KNDC1: variants seen among roughly 807,000 people sequenced by gnomAD.
KNDC1 encodes kinase non-catalytic C-lobe domain-containing protein 1.
Under a neutral mutation model 172.8 loss-of-function variants are expected in KNDC1, and 106 were observed. The observed-to-expected ratio is 0.61, with a 90% CI of 0.52 to 0.72. The LOEUF is 0.72. Among genes scored for constraint, KNDC1 ranks in the 30% least tolerant of loss-of-function variants. The probability of loss-of-function intolerance (pLI) is 0.00; values close to 1 mark genes in which losing one functional copy is unlikely to be tolerated. For missense variants in KNDC1, 2,325 were observed against 2,394.5 expected (o/e 0.97, Z 0.61); for synonymous variants, 1,083 against 1,062.2 (o/e 1.02, Z -0.38).
rs569441505 is a variant in KNDC1, at chr10:133,218,996, C to T, written c.4801-35C>T. Reference sequence around the variant, plus strand: ...CCCAAGGCGGGGGTGGGTACCCGCACGGCCGCAGGAGGCTCACCTGTGCTT... The same window carrying T: ...CCCAAGGCGGGGGTGGGTACCCGCATGGCCGCAGGAGGCTCACCTGTGCTT... On this transcript the variant is annotated intron_variant, in intron 27 of 29. Coordinates refer to ENST00000304613, the MANE Select transcript of KNDC1 (RefSeq NM_152643.8). The T allele has an allele frequency of 9.3e-6, 15 of 1,613,768 alleles. No individual in the cohort carries two copies. In the African/African-American group the frequency reaches 1.1e-4, roughly 11 times the overall value.
At chr10:133,202,037 C>G in intron 17 of KNDC1, 139 bp downstream of exon 17, 1 of 1,014,922 alleles carries the variant, frequency 9.9e-7, no homozygotes, top group Non-Finnish European at 1.5e-6. Flanking sequence ...GCCCCCACCC[C>G]GTGGCTGTCA....
intron 4 of KNDC1, 59 bp downstream of exon 4, chr10:133,183,549 A>G: frequency 6.6e-7 from 1 of 1,511,122 alleles, no homozygotes. Flanking sequence ...AGGCCTGGAC[A>G]CCGTGTGCTC....
At chr10:133,196,297 G>C (rs1854189326) in intron 10 of KNDC1, among the ~76,000 whole-genome samples, 1 of 151,972 alleles carries the variant, frequency 6.6e-6, no homozygotes, top group South Asian at 2.1e-4. Context: ...CTTTGGGGCT[G>C]GGTTCTAACG....
At chr10:133,195,922 C>T in intron 10 of KNDC1, 101 bp downstream of exon 10, 1 of 1,218,740 alleles carries the variant, frequency 8.2e-7, no homozygotes, top group Non-Finnish European at 1.1e-6. Flanking sequence ...CTGCCAGTGT[C>T]CAGGTGATGA....
chr10:133,168,045 A>G (rs1853233461), intron 2 of KNDC1, among the ~76,000 whole-genome samples: 1 of 152,028 alleles, frequency 6.6e-6, no homozygotes. Flanking sequence ...AAGTGGTAGA[A>G]CCCTTCCCTC....
chr10:133,201,173 G>C (rs1447312768), intron 16 of KNDC1, among the ~76,000 whole-genome samples: 1 of 152,240 alleles, frequency 6.6e-6, no homozygotes, highest in Non-Finnish European at 1.5e-5. Flanking sequence ...AGGGGGCAGA[G>C]GGACACAGTC....
At position 133,160,327 on chromosome 10, in the gene KNDC1, C is replaced by T. The variant is rs1415753563; in HGVS notation, c.-141C>T. 2 of 251,064 alleles carry T rather than the reference C, an allele frequency of 8.0e-6. No individual in the cohort carries two copies. Among genetic ancestry groups the T allele is most frequent in the Non-Finnish European group, 7.0e-6 (1 of 142,902 alleles). 15.6% of individuals were successfully genotyped at this position (251,064 alleles called of 1,614,324 possible). ...GCCCGCCCCGTATCCCTGACCGCGT[C>T]CCCTGGAGACACTGCGGCAGCGGCG... is the stretch of plus-strand genomic sequence containing the variant. On this transcript the variant is annotated 5_prime_UTR_variant, in exon 1 of 30. Coordinates refer to ENST00000304613, the MANE Select transcript of KNDC1 (RefSeq NM_152643.8).
intron 29 of KNDC1, among the ~76,000 whole-genome samples, chr10:133,220,581 G>C (rs112733306): frequency 3.3e-3 from 47 of 14,442 alleles, no homozygotes; most frequent in African/African-American, 6.8e-3. Context: ...GCTCAGGCGG[G>C]CGCGCGCCCA....
intron 26 of KNDC1, among the ~76,000 whole-genome samples, chr10:133,216,397 G>A (rs1372632738): frequency 6.6e-6 from 1 of 152,214 alleles, no homozygotes; most frequent in Non-Finnish European, 1.5e-5. Flanking sequence ...GAAAACGCAG[G>A]CCGGTCGCAG....
chr10:133,164,374 A>G (rs1853078768), intron 1 of KNDC1: 1 of 152,370 alleles, frequency 6.6e-6, no homozygotes, highest in African/African-American at 2.4e-5. Context: ...GCCAGCCACA[A>G]CAAGGTCAGA....
chr10:133,191,442 G>A (rs535506643), intron 9 of KNDC1, among the ~76,000 whole-genome samples: 176 of 152,170 alleles, frequency 1.2e-3, no homozygotes, highest in Admixed American at 2.1e-3. Flanking sequence ...GCTCACACCT[G>A]TAATCCCAGC....
Position 133,211,831 on chromosome 10 carries a change from G to T in KNDC1, c.4209G>T (p.Arg1403Ser), listed in dbSNP as rs769439044. The T allele has an allele frequency of 6.2e-7, 1 of 1,608,788 alleles. No homozygotes were observed. The highest frequency in any genetic ancestry group is 1.3e-5 in the African/African-American group (1 of 74,750). The change falls in exon 23 of 30, where the codon AGG (arginine) becomes AGT (serine). Residue 1403 changes from arginine (R) to serine (S), a missense_variant. Coordinates refer to ENST00000304613, the MANE Select transcript of KNDC1 (RefSeq NM_152643.8). Reference sequence around the variant, plus strand: ...GACCCTTCAACGCCCTCTGTAAGAGGCTCTCAGAGGACGGCATCTCCAGGA... The same window carrying T: ...GACCCTTCAACGCCCTCTGTAAGAGTCTCTCAGAGGACGGCATCTCCAGGA... ...DARPFNALCK[R>S]LSEDGISRKS...
At chr10:133,195,642 A>G (rs1246128089) in intron 9 of KNDC1, 21 bp from the exon 10 acceptor site, 2 of 1,537,548 alleles carry the variant, frequency 1.3e-6, no homozygotes, top group East Asian at 2.4e-5. Flanking sequence ...GGTAGACACT[A>G]TTCTCTCCCC....
At chr10:133,222,768 TGC>T (rs1564903925) in intron 29 of KNDC1, among the ~76,000 whole-genome samples, 2 of 18,686 alleles carry the variant, frequency 1.1e-4, no homozygotes, top group East Asian at 9.1e-4. Flanking sequence ...TGTGTGCGTG[TGC>T]GTGAGAGCCC....
rs1273554675 is a variant in KNDC1 at position 133,163,009 on chromosome 10, G to A, written c.102+2440G>A. 6.9e-6 allele frequency among the ~76,000 whole-genome samples: 1 copy of A among 143,922 alleles called. No homozygotes were observed. The highest frequency in any genetic ancestry group is 1.5e-5 in the Non-Finnish European group (1 of 66,228). 94.4% of individuals were successfully genotyped at this position (143,922 alleles called of 152,430 possible). A position where few individuals can be genotyped will look rare whatever the true frequency, so the allele number is the denominator to read the frequency against. On this transcript the variant is annotated intron_variant, in intron 1 of 29. Transcript: ENST00000304613. This position sits in a 1 kb window ranked among gnomAD's most constrained non-coding sequence, Gnocchi z 4.4. Reference sequence around the variant, plus strand: ...TACACGATAGACAGGGAGATGTTCTGTGGGGGTGATGCAAGGAGGGCTTCC... The same window carrying A: ...TACACGATAGACAGGGAGATGTTCTATGGGGGTGATGCAAGGAGGGCTTCC...
intron 1 of KNDC1, among the ~76,000 whole-genome samples, chr10:133,164,838 G>T (rs536141267): frequency 2.0e-5 from 3 of 152,146 alleles, no homozygotes; most frequent in Non-Finnish European, 4.4e-5. Context: ...GCCCAAGGAC[G>T]TGGGATCCCC....
At chr10:133,205,018 C>CCTCACCCCCAGAATCACCACCCTT (rs1845148461) in intron 17 of KNDC1, among the ~76,000 whole-genome samples, 1 of 152,048 alleles carries the variant, frequency 6.6e-6, no homozygotes, top group Non-Finnish European at 1.5e-5. Context: ...CCACCACCCT[C>CCTCACCCCCAGAATCACCACCCTT]CTCACCCCCA....
At position 133,198,837 on chromosome 10, in the gene KNDC1, G is replaced by A; in HGVS notation, c.2329G>A (p.Ala777Thr). The A allele has an allele frequency of 6.3e-7, 1 of 1,599,978 alleles. No homozygotes were observed. Among genetic ancestry groups the A allele is most frequent in the Non-Finnish European group, 8.5e-7 (1 of 1,175,526 alleles). ...CCAGCCAGAGGGGGCCTCATCGGCA[G>A]CTCCCGGCTCTCCAGTCCCCGCCCC... is the stretch of plus-strand genomic sequence containing the variant. ...ANQPEGASSA[A>T]PGSPVPAPPT... Residue 777 changes from alanine to threonine, a missense_variant, in exon 14 of 30, where the codon GCT (alanine) becomes ACT (threonine). Ala to Thr is a moderately conservative substitution (Grantham distance 58). Coordinates refer to ENST00000304613, the MANE Select transcript of KNDC1 (RefSeq NM_152643.8).
chr10:133,223,682 C>T (rs1845659064), intron 29 of KNDC1, among the ~76,000 whole-genome samples: 1 of 49,460 alleles, frequency 2.0e-5, no homozygotes, highest in African/African-American at 8.5e-5. Context: ...CTCTTCCCGG[C>T]ATGTGTGTGT....
Sources: gnomAD v4.1 joint callset for allele counts (sites outside exome capture counted in the v4.1 genomes callset) on GRCh38, gnomAD v4.1.1 for gene constraint, Gnocchi (gnomAD v3.1) non-coding constraint, MANE v1.5 for transcripts, NCBI Gene and HGNC (gene_info 2026-07-23, HGNC 2026-07-21) for gene names.